SHISAL2B: variants seen among roughly 807,000 people sequenced by gnomAD.
SHISAL2B encodes the protein shisa like 2B.
Under a neutral mutation model 16.5 loss-of-function variants are expected in SHISAL2B, and 12 were observed. The observed-to-expected ratio is 0.73, with a 90% CI of 0.47 to 1.18. The LOEUF is 1.18. Ranked by LOEUF, SHISAL2B falls within the 50% of genes most tolerant of loss-of-function variation. The pLI is 0.00. For synonymous variants in SHISAL2B, 72 were observed against 75.0 expected (o/e 0.96, Z 0.21); for missense variants, 183 against 193.6 (o/e 0.95, Z 0.33).
Position 64,695,642 on chromosome 5 carries a change from A to C in SHISAL2B, c.327A>C (p.Leu109Phe). The C allele has an allele frequency of 1.3e-6, 2 of 1,534,102 alleles. No individual in the cohort carries two copies. Among genetic ancestry groups the C allele is most frequent in the Non-Finnish European group, 1.7e-6 (2 of 1,145,602 alleles). ...ACACTGGCCTTAAGCTTCAACACTTAGAGGCTTCTTCCACTCAAGAAGGTA... is the reference window on the plus strand; with the variant it reads ...ACACTGGCCTTAAGCTTCAACACTTCGAGGCTTCTTCCACTCAAGAAGGTA... ...RLDTGLKLQH[L>F]EASSTQEGKS... Residue 109 changes from leucine (L) to phenylalanine (F), a missense_variant, in exon 2 of 3, where the codon TTA (leucine) becomes TTC (phenylalanine). Coordinates refer to ENST00000389074, the MANE Select transcript of SHISAL2B (RefSeq NM_001164442.2).
chr5:64,692,898 A>G (rs992160198), intron 1 of SHISAL2B, among the ~76,000 whole-genome samples: 15 of 152,164 alleles, frequency 9.9e-5, no homozygotes, highest in African/African-American at 3.6e-4. Context: ...GCCATGCACG[A>G]GTGGCTATTT....
intron 2 of SHISAL2B, among the ~76,000 whole-genome samples, chr5:64,703,766 C>G (rs965708168): frequency 6.6e-6 from 1 of 152,170 alleles, no homozygotes; most frequent in Admixed American, 6.5e-5. Flanking sequence ...TGCCTCCACT[C>G]ATTAATGAGT....
At chr5:64,713,443 C>G (rs1288691770) in intron 2 of SHISAL2B, among the ~76,000 whole-genome samples, 3 of 101,636 alleles carry the variant, frequency 3.0e-5, no homozygotes, top group Admixed American at 2.7e-4. Flanking sequence ...TTGAGGGTAA[C>G]CCGACCTTTC....
Position 64,718,007 on chromosome 5 carries a change from C to T in SHISAL2B, c.468C>T (p.Ile156=), listed in dbSNP as rs1206241481. The T allele has an allele frequency of 3.3e-6, 5 of 1,507,680 alleles. No homozygotes were observed. The African/African-American group carries it at 5.6e-5, about 17-fold the overall frequency. The allele number at this position is 1,507,680 out of a possible 1,614,324, so 93.4% of individuals were successfully genotyped here. The change falls in exon 3 of 3, where the codon ATC becomes ATT. Residue 156 remains isoleucine (I), a synonymous_variant. Coordinates refer to ENST00000389074, the MANE Select transcript of SHISAL2B (RefSeq NM_001164442.2). ...IQEKTMDATQ[I]HIAY is the part of the protein sequence containing the mutation. Reference sequence around the variant, plus strand: ...AAAAAACAATGGATGCAACACAAATCCACATTGCTTATTAACTAAAAATTC... The same window carrying T: ...AAAAAACAATGGATGCAACACAAATTCACATTGCTTATTAACTAAAAATTC...
At chr5:64,698,991 G>C (rs1262121041) in intron 2 of SHISAL2B, among the ~76,000 whole-genome samples, 1 of 152,170 alleles carries the variant, frequency 6.6e-6, no homozygotes, top group Non-Finnish European at 1.5e-5. Flanking sequence ...CTTAGATACT[G>C]CTCCAAAATT....
chr5:64,714,133 C>T lies in SHISAL2B; in HGVS notation c.350-3756C>T, dbSNP rs1240177748. Among the ~76,000 whole-genome samples the T allele has an allele frequency of 6.6e-5, 10 of 150,652 alleles. 1 individual carries two copies. Among genetic ancestry groups the T allele is most frequent in the Admixed American group, 6.6e-4 (10 of 15,166 alleles). ...GAGGTGCTCTGTGTTTTAGAGTTTC[C>T]AGTTTTTCTGTTCTGTTTTTTCCCC... On this transcript the variant is annotated intron_variant, in intron 2 of 2. Transcript: ENST00000389074.
In SHISAL2B at chr5:64,690,722, C is replaced by G; in HGVS notation, c.99C>G (p.Leu33=). The change falls in exon 1 of 3, where the codon CTC becomes CTG. Residue 33 remains leucine, a synonymous_variant. Coordinates refer to ENST00000389074, the MANE Select transcript of SHISAL2B (RefSeq NM_001164442.2). ...QCPRRGEGAA[L]QYCCGFADLK... The stretch of plus-strand genomic sequence containing the variant: ...CCCGGCGCGGCGAGGGGGCAGCGCT[C>G]CAGTATTGCTGCGGCTTCGCCGACC... 1 of 1,537,186 alleles carries G rather than the reference C, an allele frequency of 6.5e-7. No homozygotes were observed. Among genetic ancestry groups the G allele is most frequent in the Non-Finnish European group, 8.7e-7 (1 of 1,147,494 alleles).
intron 1 of SHISAL2B, chr5:64,691,708 A>G (rs1334098600): frequency 2.0e-5 from 3 of 152,092 alleles, no homozygotes; most frequent in Non-Finnish European, 4.4e-5. Context: ...TGCTTTTCCC[A>G]CTTCCACTCT....
intron 2 of SHISAL2B, among the ~76,000 whole-genome samples, chr5:64,699,175 C>G (rs559529785): frequency 1.3e-5 from 2 of 152,134 alleles, no homozygotes; most frequent in Admixed American, 1.3e-4. Context: ...GTCAAATTGA[C>G]AAATCAATTC....
At position 64,718,083 on chromosome 5, in the gene SHISAL2B, A is replaced by C; in HGVS notation, c.*61A>C. ...ATGGGACAATAAAAATAAAGCGTGC[A>C]CTTGAAACGGTTTGTAATATTGCTT... On this transcript the variant is annotated 3_prime_UTR_variant, in exon 3 of 3. Transcript: ENST00000389074. 1.5e-5 allele frequency: 20 copies of C among 1,376,908 alleles called. No individual in the cohort carries two copies. Among genetic ancestry groups the C allele is most frequent in the Non-Finnish European group, 1.9e-5 (20 of 1,057,314 alleles). 85.3% of individuals were successfully genotyped at this position (1,376,908 alleles called of 1,614,324 possible).
chr5:64,694,102 G>C lies in SHISAL2B; in HGVS notation c.192-1405G>C, dbSNP rs1316756207. The stretch of plus-strand genomic sequence containing the variant: ...TTTGGTACAGGTCAAACTTGTCAGT[G>C]TCCTAATCCCAGAGAAAGAGCAGAA... On this transcript the variant is annotated intron_variant, in intron 1 of 2. Transcript: ENST00000389074. The C allele has an allele frequency of 6.6e-6, 3 of 455,540 alleles. No homozygotes were observed. The Admixed American group carries it at 7.1e-5, about 11-fold the overall frequency. 28.2% of individuals were successfully genotyped at this position (455,540 alleles called of 1,614,324 possible). A position where few individuals can be genotyped will look rare whatever the true frequency, so the allele number is the denominator to read the frequency against.
At position 64,718,169 on chromosome 5, in the gene SHISAL2B, T is replaced by A; in HGVS notation, c.*147T>A. On this transcript the variant is annotated 3_prime_UTR_variant, in exon 3 of 3. Coordinates refer to ENST00000389074, the MANE Select transcript of SHISAL2B (RefSeq NM_001164442.2). The stretch of plus-strand genomic sequence containing the variant: ...TGCATTTTTGATCATTCAGTTACTT[T>A]ATTAAACGCACATTAAGGTTTTATT... 1.7e-6 allele frequency: 1 copy of A among 587,162 alleles called. No individual in the cohort carries two copies. The highest frequency in any genetic ancestry group is 2.7e-6 in the Non-Finnish European group (1 of 368,194). 36.4% of individuals were successfully genotyped at this position (587,162 alleles called of 1,614,324 possible).
At chr5:64,714,305 G>C (rs1314600423) in intron 2 of SHISAL2B, among the ~76,000 whole-genome samples, 1 of 142,440 alleles carries the variant, frequency 7.0e-6, no homozygotes, top group East Asian at 2.1e-4. Context: ...TGCAGTGTGA[G>C]GTGTCAGTGT....
intron 2 of SHISAL2B, among the ~76,000 whole-genome samples, chr5:64,715,456 G>C (rs1742034973): frequency 6.6e-6 from 1 of 152,054 alleles, no homozygotes; most frequent in Non-Finnish European, 1.5e-5. Flanking sequence ...TTCAAGCAAA[G>C]GAGGCTGGAG....
At chr5:64,708,314 A>G (rs936952314) in intron 2 of SHISAL2B, among the ~76,000 whole-genome samples, 1 of 152,150 alleles carries the variant, frequency 6.6e-6, no homozygotes, top group Admixed American at 6.6e-5. Flanking sequence ...TGAGGACCCA[A>G]GTTAGAATTT....
At chr5:64,717,779 C>G in intron 2 of SHISAL2B, 110 bp from the exon 3 acceptor site, 1 of 951,540 alleles carries the variant, frequency 1.1e-6, no homozygotes, top group Non-Finnish European at 1.5e-6. Context: ...ATAGCATTTT[C>G]AGGACATCAT....
At chr5:64,714,115 T>C (rs1255667451) in intron 2 of SHISAL2B, among the ~76,000 whole-genome samples, 1 of 151,288 alleles carries the variant, frequency 6.6e-6, no homozygotes, top group African/African-American at 2.5e-5. Context: ...GGAGAGGTGC[T>C]CTGTGTTTTA....
Position 64,692,872 on chromosome 5 carries a change from A to G in SHISAL2B, c.191+2058A>G, listed in dbSNP as rs562319635. On this transcript the variant is annotated intron_variant, in intron 1 of 2. Coordinates refer to ENST00000389074, the MANE Select transcript of SHISAL2B (RefSeq NM_001164442.2). ...ACCTTCTCCAGGACTTAGGGAAATAAGGTCTATTGGACAGGGCCATGCACG... is the reference window on the plus strand; with the variant it reads ...ACCTTCTCCAGGACTTAGGGAAATAGGGTCTATTGGACAGGGCCATGCACG... Among the ~76,000 whole-genome samples the G allele has an allele frequency of 5.3e-5, 8 of 152,204 alleles. No individual in the cohort carries two copies. In the South Asian group the frequency reaches 6.2e-4, roughly 12 times the overall value.
At chr5:64,705,496 C>CA (rs1561376138) in intron 2 of SHISAL2B, among the ~76,000 whole-genome samples, 1 of 151,472 alleles carries the variant, frequency 6.6e-6, no homozygotes, top group African/African-American at 2.4e-5. Flanking sequence ...TCCAGGAATT[C>CA]AAAAAAAATT....
Sources: allele counts gnomAD v4.1 joint callset (sites outside exome capture counted in the v4.1 genomes callset), GRCh38; gene constraint gnomAD v4.1.1; transcripts MANE v1.5; gene names NCBI Gene and HGNC (gene_info 2026-07-23, HGNC 2026-07-21).